Variants in PDE3B observed in about 807,000 individuals in gnomAD.
PDE3B encodes phosphodiesterase 3B, also known as cGMP-inhibited 3',5'-cyclic phosphodiesterase 3B.
In PDE3B, 66 loss-of-function variants were observed where a neutral mutation model predicts 116.8. That is an observed-to-expected ratio of 0.56 (90% CI 0.46 to 0.69). PDE3B has a LOEUF of 0.69. PDE3B is among the 30% of genes least tolerant of loss of function. The pLI is 0.00. For missense variants in PDE3B, 1,384 were observed against 1,368.1 expected (o/e 1.01, Z -0.18); for synonymous variants, 595 against 533.6 (o/e 1.12, Z -1.59).
Position 14,644,890 on chromosome 11 carries a change from C to T in PDE3B, c.815C>T (p.Ala272Val), listed in dbSNP as rs776472791. The T allele has an allele frequency of 8.7e-6, 14 of 1,614,058 alleles. No homozygotes were observed. Among genetic ancestry groups the T allele is most frequent in the East Asian group, 2.2e-5 (1 of 44,854 alleles). Residue 272 changes from alanine (A) to valine (V), a missense_variant, in exon 1 of 16, where the codon GCG becomes GTG. Coordinates refer to ENST00000282096, the MANE Select transcript of PDE3B (RefSeq NM_000922.4). ...GLDHFFQIRE[A>V]PLHPRLSSAA... ...GATCACTTCTTTCAAATCAGGGAAGCGCCTCTTCATCCTCGACTGTCCAGT... is the reference window on the plus strand; with the variant it reads ...GATCACTTCTTTCAAATCAGGGAAGTGCCTCTTCATCCTCGACTGTCCAGT...
the PDE3B span, chr11:14,878,068 G>C: frequency 6.3e-7 from 1 of 1,588,108 alleles, no homozygotes; most frequent in Non-Finnish European, 8.6e-7. Context: ...ATTAAACCAA[G>C]TTCAGGGATA....
intron 7 of PDE3B, among the ~76,000 whole-genome samples, chr11:14,821,506 T>C (rs1381578144): frequency 1.3e-5 from 2 of 152,218 alleles, no homozygotes; most frequent in Non-Finnish European, 2.9e-5. Flanking sequence ...TAGGAGTTCA[T>C]ATCATTAAAA....
chr11:14,872,510 G>C (rs887361876), downstream of PDE3B, among the ~76,000 whole-genome samples: 1 of 152,224 alleles, frequency 6.6e-6, no homozygotes, highest in South Asian at 2.1e-4. Flanking sequence ...GAGTGGTAGA[G>C]AGATGGTGGT....
At chr11:14,766,476 A>G (rs1857501595) in intron 1 of PDE3B, among the ~76,000 whole-genome samples, 1 of 151,656 alleles carries the variant, frequency 6.6e-6, no homozygotes, top group South Asian at 2.1e-4. Flanking sequence ...ATTTTATTGA[A>G]AAAAGCTCTT....
chr11:14,874,088 G>T (rs1324992150), downstream of PDE3B, among the ~76,000 whole-genome samples: 1 of 152,082 alleles, frequency 6.6e-6, no homozygotes, highest in African/African-American at 2.4e-5. Flanking sequence ...ACTTGGTGTG[G>T]TATTGTAACT....
chr11:14,867,379 C>A, intron 14 of PDE3B, 127 bp from the exon 15 acceptor site: 2 of 722,026 alleles, frequency 2.8e-6, no homozygotes, highest in Non-Finnish European at 4.4e-6. Flanking sequence ...TAGATTGATG[C>A]TTATTCATAA....
chr11:14,818,487 T>A, intron 6 of PDE3B, 94 bp downstream of exon 6: 1 of 747,158 alleles, frequency 1.3e-6, no homozygotes, highest in Non-Finnish European at 2.2e-6. Context: ...ACTCCAGCTT[T>A]AAGCTAAATG....
At chr11:14,894,611 C>A in the PDE3B span, among the ~76,000 whole-genome samples, 1 of 152,216 alleles carries the variant, frequency 6.6e-6, no homozygotes, top group East Asian at 1.9e-4. Context: ...GCTGAGTTAC[C>A]CCGAGGCAGC....
chr11:14,688,433 A>G (rs1854951814), intron 1 of PDE3B, among the ~76,000 whole-genome samples: 3 of 151,866 alleles, frequency 2.0e-5, no homozygotes, highest in African/African-American at 7.3e-5. Flanking sequence ...ACTTTATCCT[A>G]TTTGCTTGGG....
At chr11:14,666,449 C>A (rs1395824782) in intron 1 of PDE3B, among the ~76,000 whole-genome samples, 17 of 150,592 alleles carry the variant, frequency 1.1e-4, no homozygotes, top group Non-Finnish European at 1.5e-4. Context: ...TAATTAAACT[C>A]AAGAGCTTCT....
At chr11:14,714,726 A>G (rs138819770) in intron 1 of PDE3B, among the ~76,000 whole-genome samples, 13 of 152,202 alleles carry the variant, frequency 8.5e-5, no homozygotes, top group East Asian at 7.7e-4. Flanking sequence ...ACACATAGCT[A>G]TTGAGTCCTT....
intron 2 of PDE3B, chr11:14,773,045 A>T (rs535281279): frequency 1.3e-5 from 2 of 152,074 alleles, no homozygotes; most frequent in South Asian, 4.1e-4. Flanking sequence ...GTTTTTCTTC[A>T]TGAACTCAGG....
chr11:14,783,327 C>G (rs1487077207), intron 2 of PDE3B, among the ~76,000 whole-genome samples: 1 of 152,150 alleles, frequency 6.6e-6, no homozygotes, highest in African/African-American at 2.4e-5. Flanking sequence ...TATTGCGGCA[C>G]TATTCACAAT....
intron 12 of PDE3B, among the ~76,000 whole-genome samples, chr11:14,855,938 G>A (rs1162516482): frequency 6.6e-6 from 1 of 152,190 alleles, no homozygotes; most frequent in Admixed American, 6.5e-5. Flanking sequence ...CAGAAGAAGG[G>A]TGGTAACTAA....
the PDE3B span, chr11:14,891,116 G>A: frequency 3.0e-6 from 3 of 985,294 alleles, no homozygotes; most frequent in African/African-American, 5.2e-5. Flanking sequence ...CAGGACCCGT[G>A]GAAACTCCTG....
At chr11:14,859,779 G>T (rs1847913182) in intron 13 of PDE3B, among the ~76,000 whole-genome samples, 1 of 152,136 alleles carries the variant, frequency 6.6e-6, no homozygotes, top group Admixed American at 6.5e-5. Context: ...TATTGGGATT[G>T]CCCACTATGT....
chr11:14,890,988 T>C, the PDE3B span: 2 of 985,336 alleles, frequency 2.0e-6, no homozygotes, highest in African/African-American at 3.5e-5. Flanking sequence ...TAGTTTTCTC[T>C]CTCCCACTCA....
In PDE3B at chr11:14,867,558, C is replaced by G; in HGVS notation, c.2939C>G (p.Ser980Cys). The G allele has an allele frequency of 6.2e-7, 1 of 1,613,896 alleles. No individual in the cohort carries two copies. The highest frequency in any genetic ancestry group is 8.5e-7 in the Non-Finnish European group (1 of 1,179,812). Residue 980 changes from serine (S) to cysteine (C), a missense_variant, in exon 15 of 16, where the codon TCT (serine) becomes TGT (cysteine). Ser to Cys is a moderately radical substitution (Grantham distance 112). Transcript: ENST00000282096. ...GLPISPFMDR[S>C]SPQLAKLQES... is the part of the protein sequence containing the mutation. ...CCCATCAGTCCATTCATGGATCGTT[C>G]TTCTCCTCAACTAGCAAAACTCCAA... is the stretch of plus-strand genomic sequence containing the variant.
the PDE3B span, among the ~76,000 whole-genome samples, chr11:14,892,513 G>T: frequency 6.6e-6 from 1 of 152,202 alleles, no homozygotes; most frequent in African/African-American, 2.4e-5. Flanking sequence ...TGTCAGGACG[G>T]CCTCACTCAC....
Sources: allele counts gnomAD v4.1 joint callset (sites outside exome capture counted in the v4.1 genomes callset), GRCh38; gene constraint gnomAD v4.1.1; transcripts MANE v1.5; gene names NCBI Gene and HGNC (gene_info 2026-07-23, HGNC 2026-07-21).